Variants in CREB1 observed in about 807,000 individuals in gnomAD.
The protein encoded by CREB1 is cAMP responsive element binding protein 1, also known as cyclic AMP-responsive element-binding protein 1.
In CREB1, 2 loss-of-function variants were observed where a neutral mutation model predicts 42.0. That is an observed-to-expected ratio of 0.05 (90% CI 0.02 to 0.15). The LOEUF (loss-of-function observed/expected upper bound fraction) is 0.15. Among genes scored for constraint, CREB1 ranks in the 10% least tolerant of loss-of-function variants. CREB1 has a pLI of 1.00. For missense variants in CREB1, 199 were observed against 388.9 expected (o/e 0.51, Z 4.11); for synonymous variants, 123 against 139.9 (o/e 0.88, Z 0.85).
At chr2:207,567,755 C>A in intron 4 of CREB1, 192 bp downstream of exon 4, 1 of 397,624 alleles carries the variant, frequency 2.5e-6, no homozygotes, top group Non-Finnish European at 4.5e-6. Flanking sequence ...TTACTCTCAC[C>A]AGTCCTAATT....
chr2:207,558,520 A>G (rs1559281402), intron 2 of CREB1, among the ~76,000 whole-genome samples: 1 of 151,996 alleles, frequency 6.6e-6, no homozygotes, highest in East Asian at 1.9e-4. Context: ...CTCTACTACT[A>G]CTAACTGCCC....
In CREB1 at chr2:207,600,238, CATATATATATATAT is replaced by C. The variant is rs71036937; in HGVS notation, c.*3192_*3205del. ...GTGGCATTTGTATAATATATGTGTA[CATATATATATATAT>C]ATATATATATACATACAGTATATAA... On this transcript the variant is annotated 3_prime_UTR_variant, in exon 8 of 8. Coordinates refer to ENST00000353267, the MANE Select transcript of CREB1 (RefSeq NM_004379.5). 6.2e-5 allele frequency: 9 copies of C among 145,172 alleles called. No individual in the cohort carries two copies. The highest frequency in any genetic ancestry group is 2.1e-4 in the African/African-American group (8 of 38,364). 9.0% of individuals were successfully genotyped at this position (145,172 alleles called of 1,614,324 possible). A position where few individuals can be genotyped will look rare whatever the true frequency, so the allele number is the denominator to read the frequency against.
At chr2:207,583,580 C>T (rs982776266) in intron 7 of CREB1, among the ~76,000 whole-genome samples, 2 of 152,154 alleles carry the variant, frequency 1.3e-5, no homozygotes, top group Non-Finnish European at 2.9e-5. Flanking sequence ...CCTTTCTCCA[C>T]CCCTTTCAAT....
At chr2:207,577,176 A>G (rs1358566455) in intron 6 of CREB1, 13 of 1,083,284 alleles carry the variant, frequency 1.2e-5, no homozygotes, top group East Asian at 1.4e-4. Flanking sequence ...ACTATACTCT[A>G]TCTAGGAAGA....
chr2:207,601,635 C>G lies in CREB1; in HGVS notation c.*4577C>G, dbSNP rs2087070255. 1 of 210,300 alleles carries G rather than the reference C, an allele frequency of 4.8e-6. No individual in the cohort carries two copies. The highest frequency in any genetic ancestry group is 9.6e-6 in the Non-Finnish European group (1 of 103,724). 13.0% of individuals were successfully genotyped at this position (210,300 alleles called of 1,614,324 possible). A position where few individuals can be genotyped will look rare whatever the true frequency, so the allele number is the denominator to read the frequency against. ...TATGCCAAAATATCCATTAATTTGTCTAGAATAGTACAAGACTTTTTAAAG... is the reference window on the plus strand; with the variant it reads ...TATGCCAAAATATCCATTAATTTGTGTAGAATAGTACAAGACTTTTTAAAG... On this transcript the variant is annotated 3_prime_UTR_variant, in exon 8 of 8. Coordinates refer to ENST00000353267, the MANE Select transcript of CREB1 (RefSeq NM_004379.5).
intron 1 of CREB1, among the ~76,000 whole-genome samples, chr2:207,549,741 T>G (rs947453322): frequency 6.6e-6 from 1 of 151,924 alleles, no homozygotes; most frequent in African/African-American, 2.4e-5. Context: ...CCCAACACTT[T>G]GGGAGCCGAG....
Position 207,585,531 on chromosome 2 carries a change from A to G in CREB1, c.839+7876A>G, listed in dbSNP as rs1239282078. 3.9e-5 allele frequency among the ~76,000 whole-genome samples: 6 copies of G among 152,348 alleles called. No individual in the cohort carries two copies. The East Asian group carries it at 1.2e-3, about 29-fold the overall frequency. On this transcript the variant is annotated intron_variant, in intron 7 of 7. Coordinates refer to ENST00000353267, the MANE Select transcript of CREB1 (RefSeq NM_004379.5). ...ACAAGAAACATAAAATACTGAGGAA[A>G]CACGATACCTCCAAAGGAACACAAT... is the stretch of plus-strand genomic sequence containing the variant.
intron 1 of CREB1, among the ~76,000 whole-genome samples, chr2:207,555,066 G>A (rs2081660582): frequency 6.6e-6 from 1 of 152,182 alleles, no homozygotes; most frequent in Admixed American, 6.5e-5. Flanking sequence ...AACAGAGCAA[G>A]ACCTCATCTC....
chr2:207,581,204 A>G (rs538268843), intron 7 of CREB1: 1 of 206,080 alleles, frequency 4.9e-6, no homozygotes, highest in South Asian at 1.9e-4. Context: ...CATTTTAACA[A>G]ATAATGTCAG....
At chr2:207,545,553 G>C (rs988914085) in intron 1 of CREB1, among the ~76,000 whole-genome samples, 1 of 152,020 alleles carries the variant, frequency 6.6e-6, no homozygotes, top group South Asian at 2.1e-4. Context: ...TAGTCCCATA[G>C]TATGGGACTA....
Position 207,542,946 on chromosome 2 carries a change from T to G in CREB1, c.-8-12682T>G, listed in dbSNP as rs966520847. Among the ~76,000 whole-genome samples the G allele has an allele frequency of 2.0e-5, 3 of 152,236 alleles. No individual in the cohort carries two copies. In the East Asian group the frequency reaches 5.8e-4, roughly 29 times the overall value. On this transcript the variant is annotated intron_variant, in intron 1 of 7. Transcript: ENST00000353267. ...ATGAAAATCGAGAAATAATTTTGAG[T>G]GAAACATTTTAATTTGAAGCACAGT...
chr2:207,580,885 A>G (rs928704675), intron 7 of CREB1: 9 of 218,662 alleles, frequency 4.1e-5, no homozygotes, highest in East Asian at 2.0e-4. Context: ...GAAAAGGGCA[A>G]TGCTTTTGAA....
chr2:207,540,825 T>C (rs1464330130), intron 1 of CREB1, among the ~76,000 whole-genome samples: 2 of 152,312 alleles, frequency 1.3e-5, no homozygotes, highest in African/African-American at 2.4e-5. Flanking sequence ...TATGTGTTAT[T>C]ACAAAAGAGT....
At chr2:207,558,777 G>C (rs1417297078) in intron 2 of CREB1, among the ~76,000 whole-genome samples, 3 of 151,932 alleles carry the variant, frequency 2.0e-5, no homozygotes, top group African/African-American at 7.3e-5. Flanking sequence ...AAGTAGCTGG[G>C]ATTACAGGCA....
Position 207,587,666 on chromosome 2 carries a change from T to C in CREB1, c.840-9248T>C, listed in dbSNP as rs371206561. ...CCATGTGGATGAACTTGGGGGACAT[T>C]ATGGGTTATGCAAAATAACTCAAAC... On this transcript the variant is annotated intron_variant, in intron 7 of 7. Coordinates refer to ENST00000353267, the MANE Select transcript of CREB1 (RefSeq NM_004379.5). Among the ~76,000 whole-genome samples, 52 of 152,302 alleles carry C rather than the reference T, an allele frequency of 3.4e-4. 3 individuals are homozygous for C. The highest frequency in any genetic ancestry group is 1.3e-3 in the East Asian group (7 of 5,196).
intron 1 of CREB1, among the ~76,000 whole-genome samples, chr2:207,543,501 ACT>A (rs1212851975): frequency 6.6e-6 from 1 of 152,030 alleles, no homozygotes; most frequent in African/African-American, 2.4e-5. Context: ...GTGTGTAGAA[ACT>A]CACAGTAAGT....
chr2:207,582,847 G>C (rs1187732362), intron 7 of CREB1: 2 of 336,714 alleles, frequency 5.9e-6, no homozygotes, highest in Admixed American at 7.0e-5. Flanking sequence ...GAGCTGAGAT[G>C]GCACTACTAC....
At chr2:207,577,919 T>C (rs1559051777) in intron 7 of CREB1, 2 of 436,234 alleles carry the variant, frequency 4.6e-6, no homozygotes, top group Non-Finnish European at 4.3e-6. Context: ...AACTTCCCTA[T>C]GTCTGCACTC....
intron 1 of CREB1, among the ~76,000 whole-genome samples, chr2:207,542,997 G>C (rs1173323074): frequency 6.6e-6 from 1 of 152,182 alleles, no homozygotes; most frequent in Non-Finnish European, 1.5e-5. Flanking sequence ...ATGGGGAATT[G>C]GTTCCAGGAC....
Sources: gnomAD v4.1 joint callset for allele counts (sites outside exome capture counted in the v4.1 genomes callset) on GRCh38, gnomAD v4.1.1 for gene constraint, MANE v1.5 for transcripts, NCBI Gene and HGNC (gene_info 2026-07-23, HGNC 2026-07-21) for gene names.